The following DLG2 variants were observed in gnomAD, a reference collection of about 807,000 sequenced individuals.
DLG2 encodes the protein discs large MAGUK scaffold protein 2.
A neutral mutation model predicts 132.5 loss-of-function variants in DLG2; 45 were observed. The ratio of observed to expected loss-of-function variants is 0.34; its 90% CI spans 0.27 to 0.44. The LOEUF is 0.44. DLG2 is among the 20% of genes least tolerant of loss of function. The pLI is 1.00. For synonymous variants in DLG2, 424 were observed against 419.6 expected, an observed-to-expected ratio of 1.01 and a Z score of -0.13; for missense variants, 1,045 against 1,196.9, an observed-to-expected ratio of 0.87 and a Z score of 1.87.
chr11:85,462,297 C>T (rs2092641298), intron 3 of DLG2, among the ~76,000 whole-genome samples: 2 of 152,202 alleles, frequency 1.3e-5, no homozygotes, highest in Non-Finnish European at 2.9e-5. Flanking sequence ...CATCCCATTA[C>T]TGGGTATATA....
intron 10 of DLG2, among the ~76,000 whole-genome samples, chr11:84,092,083 G>T (rs2097101870): frequency 6.6e-6 from 1 of 152,214 alleles, no homozygotes; most frequent in African/African-American, 2.4e-5. Flanking sequence ...TTAAATCAAA[G>T]TCAAATGATT....
intron 6 of DLG2, among the ~76,000 whole-genome samples, chr11:85,075,806 T>G (rs936073126): frequency 6.6e-6 from 1 of 151,896 alleles, no homozygotes; most frequent in Non-Finnish European, 1.5e-5. Context: ...GAAGAACACA[T>G]GCCAACTGAT....
intron 2 of DLG2, among the ~76,000 whole-genome samples, chr11:85,624,344 T>C (rs2081925468): frequency 6.6e-6 from 1 of 152,192 alleles, no homozygotes; most frequent in Non-Finnish European, 1.5e-5. Context: ...AAAAATATAC[T>C]AACTAAATAC....
At chr11:83,683,711 C>T (rs181429702) in intron 18 of DLG2, among the ~76,000 whole-genome samples, 1 of 152,230 alleles carries the variant, frequency 6.6e-6, no homozygotes, top group East Asian at 1.9e-4. Context: ...GGTTCTCATT[C>T]CTGCCGTATT....
chr11:84,033,868 G>A (rs1009939441), intron 11 of DLG2, among the ~76,000 whole-genome samples: 3 of 151,256 alleles, frequency 2.0e-5, no homozygotes, highest in Non-Finnish European at 2.9e-5. Flanking sequence ...GAGAAACTCC[G>A]TCTTTACTAA....
At chr11:84,112,022 T>C (rs1264053664) in intron 9 of DLG2, among the ~76,000 whole-genome samples, 1 of 152,110 alleles carries the variant, frequency 6.6e-6, no homozygotes, top group African/African-American at 2.4e-5. Flanking sequence ...TTTCCCTTTT[T>C]CCCTTTTTGA....
intron 21 of DLG2, among the ~76,000 whole-genome samples, chr11:83,507,758 TTATATATATATATA>T (rs59086507): frequency 0.041 from 4,063 of 99,820 alleles, 135 homozygotes; most frequent in African/African-American, 0.09. Context: ...TATATTTTTA[TTATATATATATATA>T]TATATATATA....
intron 4 of DLG2, among the ~76,000 whole-genome samples, chr11:85,190,829 GA>G (rs1297819255): frequency 2.0e-5 from 3 of 152,144 alleles, no homozygotes; most frequent in African/African-American, 7.2e-5. Context: ...ACACTGGTCA[GA>G]ATGATTATTA....
chr11:84,954,294 G>T (rs1167075135), intron 6 of DLG2, among the ~76,000 whole-genome samples: 1 of 150,364 alleles, frequency 6.7e-6, no homozygotes, highest in Non-Finnish European at 1.5e-5. Flanking sequence ...ATAGCAATAT[G>T]AGTTTCAAGA....
intron 18 of DLG2, among the ~76,000 whole-genome samples, chr11:83,662,863 C>T (rs1040821558): frequency 6.6e-6 from 1 of 152,166 alleles, no homozygotes; most frequent in Non-Finnish European, 1.5e-5. Flanking sequence ...CACAGGATCA[C>T]AGGATTTTGT....
intron 6 of DLG2, among the ~76,000 whole-genome samples, chr11:84,979,793 C>A (rs1275176011): frequency 1.3e-5 from 2 of 151,740 alleles, no homozygotes; most frequent in Non-Finnish European, 2.9e-5. Context: ...TACCCTAGAA[C>A]TTAAAGTATA....
intron 19 of DLG2, among the ~76,000 whole-genome samples, chr11:83,602,531 G>C (rs1325593776): frequency 1.3e-5 from 2 of 152,222 alleles, no homozygotes; most frequent in Non-Finnish European, 2.9e-5. Flanking sequence ...CTCCCTGCAG[G>C]AGAAAACGTT....
At chr11:83,504,037 G>A (rs2094575711) in intron 21 of DLG2, among the ~76,000 whole-genome samples, 1 of 152,124 alleles carries the variant, frequency 6.6e-6, no homozygotes, top group South Asian at 2.1e-4. Flanking sequence ...CTGATGTGAG[G>A]TCAATAAATC....
chr11:84,578,046 CA>C (rs2099506936), intron 6 of DLG2, among the ~76,000 whole-genome samples: 1 of 152,160 alleles, frequency 6.6e-6, no homozygotes, highest in African/African-American at 2.4e-5. Flanking sequence ...TGGAAATTTC[CA>C]TGTGGTGTTG....
intron 4 of DLG2, among the ~76,000 whole-genome samples, chr11:85,211,740 C>T (rs75240737): frequency 0.02 from 3,018 of 152,178 alleles, 59 homozygotes; most frequent in Admixed American, 0.037. Context: ...TTATGATACC[C>T]TCACTACTCG....
intron 7 of DLG2, among the ~76,000 whole-genome samples, chr11:84,480,051 G>A (rs2099132544): frequency 6.6e-6 from 1 of 152,040 alleles, no homozygotes; most frequent in South Asian, 2.1e-4. Context: ...AGACTCTTAA[G>A]AAATGTTTTG....
At chr11:83,670,913 T>C (rs1214042660) in intron 18 of DLG2, among the ~76,000 whole-genome samples, 1 of 152,210 alleles carries the variant, frequency 6.6e-6, no homozygotes. Flanking sequence ...CTTTTGTTTC[T>C]ATAAAGAAAC....
chr11:83,986,391 A>ACTG (rs1170407578), intron 11 of DLG2, among the ~76,000 whole-genome samples: 1 of 151,880 alleles, frequency 6.6e-6, no homozygotes, highest in Admixed American at 6.6e-5. Flanking sequence ...ACAAGAACTC[A>ACTG]TCATTTTTTA....
intron 3 of DLG2, among the ~76,000 whole-genome samples, chr11:85,512,166 A>C (rs771188167): frequency 2.6e-5 from 4 of 152,054 alleles, no homozygotes; most frequent in Non-Finnish European, 5.9e-5. Context: ...AAGGGCATCA[A>C]ATGAAAGATT....
Sources: allele counts gnomAD v4.1 joint callset (sites outside exome capture counted in the v4.1 genomes callset), GRCh38; gene constraint gnomAD v4.1.1; transcripts MANE v1.5; gene names NCBI Gene and HGNC (gene_info 2026-07-23, HGNC 2026-07-21).